ZWILCH: variants seen among roughly 807,000 people sequenced by gnomAD.
ZWILCH encodes protein zwilch homolog.
In ZWILCH, 74 loss-of-function variants were observed where a neutral mutation model predicts 79.9. That is an observed-to-expected ratio of 0.93 (90% CI 0.77 to 1.12). The LOEUF is 1.12. ZWILCH is among the 50% of genes most tolerant of loss of function. The pLI, the probability that ZWILCH is intolerant of heterozygous loss-of-function variation, is 0.00. For missense variants in ZWILCH, 694 were observed against 687.5 expected, an observed-to-expected ratio of 1.01 and a Z score of -0.11; for synonymous variants, 241 against 228.2, an observed-to-expected ratio of 1.06 and a Z score of -0.51.
chr15:66,539,003 A>T (rs747560016), intron 16 of ZWILCH, among the ~76,000 whole-genome samples: 4 of 152,146 alleles, frequency 2.6e-5, no homozygotes, highest in Non-Finnish European at 4.4e-5. Flanking sequence ...CCATCTTTCT[A>T]AATGCCTATT....
In ZWILCH at chr15:66,532,264, C is replaced by T. The variant is rs542677641; in HGVS notation, c.1173C>T (p.Asn391=). Residue 391 remains asparagine (N), a synonymous_variant, in exon 13 of 19, where the codon AAC becomes AAT. Transcript: ENST00000307897. ...DIQPWLHSGS[N]SLLSKLIHQS... is the part of the protein sequence containing the mutation. ...ATTTCTAGCTCCATAGTGGAAGTAA[C>T]AGTTTACTAAGTAAGCTCATTCATC... The T allele has an allele frequency of 3.1e-5, 49 of 1,594,398 alleles. No homozygotes were observed. In the Admixed American group the frequency reaches 8.3e-4, roughly 27 times the overall value.
chr15:66,515,655 T>A lies in ZWILCH; in HGVS notation c.320+11T>A, dbSNP rs781747329. On this transcript the variant is annotated intron_variant, in intron 4 of 18. Transcript: ENST00000307897. ...AGTTGGGAAGGCAAGGTAGGTTTTC[T>A]CTTATGCTGAGTAGGGGTGGCAACT... 1 of 1,577,650 alleles carries A rather than the reference T, an allele frequency of 6.3e-7. No homozygotes were observed. The highest frequency in any genetic ancestry group is 8.7e-7 in the Non-Finnish European group (1 of 1,148,148).
At chr15:66,532,810 G>T (rs977128352) in intron 13 of ZWILCH, among the ~76,000 whole-genome samples, 175 bp from the exon 14 acceptor site, 1 of 151,472 alleles carries the variant, frequency 6.6e-6, no homozygotes, top group Non-Finnish European at 1.5e-5. Flanking sequence ...CCTTTTGTGA[G>T]GAACTACTTA....
intron 2 of ZWILCH, among the ~76,000 whole-genome samples, chr15:66,510,866 C>G (rs1452250207): frequency 6.6e-6 from 1 of 152,222 alleles, no homozygotes; most frequent in Non-Finnish European, 1.5e-5. Context: ...CTATGCCTCT[C>G]TCTTTCCTTT....
rs750715167 is a variant in ZWILCH at position 66,519,056 on chromosome 15, C to G, written c.498C>G (p.Val166=). 5.6e-6 allele frequency: 9 copies of G among 1,614,112 alleles called. No individual in the cohort carries two copies. Among genetic ancestry groups the G allele is most frequent in the Non-Finnish European group, 7.6e-6 (9 of 1,180,012 alleles). ...ITTNNSITGI[V]LYVVSCKADK... ...CAAACAACAGCATTACAGGAATTGT[C>G]TTATATGTGGTCAGTTGTAAAGGTG... Residue 166 remains valine, a synonymous_variant, in exon 5 of 19, where the codon GTC becomes GTG. Transcript: ENST00000307897.
intron 2 of ZWILCH, 138 bp downstream of exon 2, chr15:66,509,030 C>T (rs1053456675): frequency 5.1e-5 from 43 of 842,944 alleles, no homozygotes; most frequent in South Asian, 3.8e-4. Context: ...AGCTCCGGCT[C>T]CCGGGTTCAC....
chr15:66,548,784 A>G lies in ZWILCH; in HGVS notation c.*460A>G, dbSNP rs1000815299. 4.7e-6 allele frequency: 2 copies of G among 427,854 alleles called. No homozygotes were observed. The highest frequency in any genetic ancestry group is 8.4e-6 in the Non-Finnish European group (2 of 238,388). 26.5% of individuals were successfully genotyped at this position (427,854 alleles called of 1,614,324 possible). A position where few individuals can be genotyped will look rare whatever the true frequency, so the allele number is the denominator to read the frequency against. On this transcript the variant is annotated 3_prime_UTR_variant, in exon 19 of 19. Transcript: ENST00000307897. The stretch of plus-strand genomic sequence containing the variant: ...AAATTAAATGTTATTTGAAAATGTT[A>G]TAAGAGCTTTGTAAATATTTCAGAA...
intron 2 of ZWILCH, among the ~76,000 whole-genome samples, chr15:66,512,279 GAT>G (rs1894096216): frequency 6.6e-6 from 1 of 152,060 alleles, no homozygotes; most frequent in South Asian, 2.1e-4. Flanking sequence ...TTTTTAAAGA[GAT>G]GGGGTCTTAC....
chr15:66,507,617 C>A (rs936505002), intron 1 of ZWILCH, among the ~76,000 whole-genome samples: 1 of 152,176 alleles, frequency 6.6e-6, no homozygotes, highest in Non-Finnish European at 1.5e-5. Context: ...CTGTGGTTTA[C>A]TTGTTGGAAT....
chr15:66,528,343 A>G (rs1311053265), intron 10 of ZWILCH, among the ~76,000 whole-genome samples: 1 of 152,204 alleles, frequency 6.6e-6, no homozygotes, highest in Non-Finnish European at 1.5e-5. Flanking sequence ...GGCTCAAGCA[A>G]TCCACCTGCA....
rs565338947 is a variant in ZWILCH, at chr15:66,528,878, C to T, written c.996C>T (p.Val332=). 1.1e-5 allele frequency: 18 copies of T among 1,613,906 alleles called. No homozygotes were observed. The African/African-American group carries it at 1.2e-4, about 11-fold the overall frequency. Residue 332 remains valine (V), a synonymous_variant, in exon 11 of 19, where the codon GTC becomes GTT. Coordinates refer to ENST00000307897, the MANE Select transcript of ZWILCH (RefSeq NM_017975.5). ...VETLKHDTAA[V]DRSVKRLFKV... The stretch of plus-strand genomic sequence containing the variant: ...CCTTGAAGCATGACACTGCTGCAGT[C>T]GATCGTTCCGTCAAGCGTCTTTTCA...
chr15:66,506,630 T>G (rs1893832043), intron 1 of ZWILCH, among the ~76,000 whole-genome samples: 1 of 152,052 alleles, frequency 6.6e-6, no homozygotes, highest in Non-Finnish European at 1.5e-5. Context: ...CACTCCAGCC[T>G]GGGCAACAGA....
chr15:66,518,073 C>G (rs1894353716), intron 4 of ZWILCH, among the ~76,000 whole-genome samples: 1 of 151,952 alleles, frequency 6.6e-6, no homozygotes, highest in African/African-American at 2.4e-5. Context: ...CATCCTACCT[C>G]TTCAACTTCT....
At chr15:66,539,923 T>G (rs74521803) in intron 16 of ZWILCH, among the ~76,000 whole-genome samples, 175 bp from the exon 17 acceptor site, 14,013 of 152,156 alleles carry the variant, frequency 0.092, 637 homozygotes, top group African/African-American at 0.11. Context: ...TTGTTATTTT[T>G]ATTCTTATTT....
At chr15:66,544,933 G>A (rs1209571742) in intron 17 of ZWILCH, among the ~76,000 whole-genome samples, 5 of 151,484 alleles carry the variant, frequency 3.3e-5, no homozygotes, top group Non-Finnish European at 7.4e-5. Context: ...TAGTAGAGAT[G>A]GGGTTTCACC....
At chr15:66,544,722 T>TGTGTGTGTG (rs1555426552) in intron 17 of ZWILCH, among the ~76,000 whole-genome samples, 9 of 29,734 alleles carry the variant, frequency 3.0e-4, no homozygotes, top group African/African-American at 6.4e-4. Context: ...TTTTTTTGGT[T>TGTGTGTGTG]TTTGTGTGTG....
At chr15:66,544,257 C>CAA (rs201291418) in intron 17 of ZWILCH, among the ~76,000 whole-genome samples, 30 of 139,158 alleles carry the variant, frequency 2.2e-4, no homozygotes, top group Non-Finnish European at 3.4e-4. Flanking sequence ...AACTCCATCT[C>CAA]AAAAAAAAAA....
At chr15:66,533,125 A>G in intron 14 of ZWILCH, 112 bp downstream of exon 14, 2 of 638,568 alleles carry the variant, frequency 3.1e-6, no homozygotes, top group Non-Finnish European at 2.5e-6. Context: ...TGGGAAATGG[A>G]TAAATAAGAC....
Position 66,544,114 on chromosome 15 carries a change from G to A in ZWILCH, c.1688-2477G>A, listed in dbSNP as rs148034640. Among the ~76,000 whole-genome samples, 1,104 of 151,902 alleles carry A rather than the reference G, an allele frequency of 7.3e-3. 12 individuals carry two copies. The highest frequency in any genetic ancestry group is 0.025 in the African/African-American group (1,042 of 41,446). ...GTACTAAAAATATAAAAAATTAGCC[G>A]GGCATGGTGGCGCATGCCTGTAATC... On this transcript the variant is annotated intron_variant, in intron 17 of 18. Transcript: ENST00000307897.
Sources: allele counts gnomAD v4.1 joint callset (sites outside exome capture counted in the v4.1 genomes callset), GRCh38; gene constraint gnomAD v4.1.1; transcripts MANE v1.5; gene names NCBI Gene and HGNC (gene_info 2026-07-23, HGNC 2026-07-21).